Variants in THBS2 observed in about 807,000 individuals in gnomAD.
The protein encoded by THBS2 is thrombospondin 2.
In THBS2, 47 loss-of-function variants were observed where a neutral mutation model predicts 135.2. That is an observed-to-expected ratio of 0.35 (90% CI 0.28 to 0.44). The LOEUF (loss-of-function observed/expected upper bound fraction) is 0.44, where lower values mean the gene tolerates loss of function less well. Among genes scored for constraint, THBS2 ranks in the 20% least tolerant of loss-of-function variants. The probability of loss-of-function intolerance (pLI) is 1.00; values close to 1 mark genes in which losing one functional copy is unlikely to be tolerated. For missense variants in THBS2, 1,288 were observed against 1,603.1 expected, an observed-to-expected ratio of 0.80 and a Z score of 3.36; for synonymous variants, 639 against 633.8, an observed-to-expected ratio of 1.01 and a Z score of -0.12.
Position 169,248,661 on chromosome 6 carries a change from T to A in THBS2, c.365A>T (p.Asp122Val). 6.2e-7 allele frequency: 1 copy of A among 1,613,914 alleles called. No homozygotes were observed. The highest frequency in any genetic ancestry group is 8.5e-7 in the Non-Finnish European group (1 of 1,179,972). ...QFEIVSNGPA[D>V]TLDLTYWIDG... ...AATCCAGTAGGTGAGATCCAGCGTGTCCGCGGGGCCGTTGGAGACGATCTC... is the reference window on the plus strand; with the variant it reads ...AATCCAGTAGGTGAGATCCAGCGTGACCGCGGGGCCGTTGGAGACGATCTC... Residue 122 changes from aspartate to valine, a missense_variant, in exon 3 of 22, where the codon GAC (aspartate) becomes GTC (valine). By Grantham distance (152) the Asp-to-Val change is radical. Transcript: ENST00000617924.
chr6:169,242,831 C>T (rs1780387178), intron 4 of THBS2, among the ~76,000 whole-genome samples: 1 of 128,568 alleles, frequency 7.8e-6, no homozygotes, highest in African/African-American at 3.2e-5. Context: ...CACCTTCCCA[C>T]CTTCCCACCT....
chr6:169,221,610 A>G, intron 19 of THBS2, 83 bp from the exon 20 acceptor site: 1 of 1,251,186 alleles, frequency 8.0e-7, no homozygotes, highest in Non-Finnish European at 1.2e-6. Context: ...AGGAAGCAAA[A>G]ACATGACTTT....
intron 9 of THBS2, among the ~76,000 whole-genome samples, chr6:169,236,426 C>T (rs1226814870): frequency 1.4e-5 from 2 of 138,314 alleles, no homozygotes; most frequent in Non-Finnish European, 1.6e-5. Context: ...CATCCACACT[C>T]ACTCCCCATC....
At chr6:169,250,676 G>C in intron 2 of THBS2, 57 bp downstream of exon 2, 2 of 1,507,020 alleles carry the variant, frequency 1.3e-6, no homozygotes, top group African/African-American at 2.7e-5. Context: ...CTCTCCCCTT[G>C]CAGCTAAGCC....
At chr6:169,219,654 A>AT (rs1779349448) in intron 21 of THBS2, among the ~76,000 whole-genome samples, 1 of 152,030 alleles carries the variant, frequency 6.6e-6, no homozygotes, top group Non-Finnish European at 1.5e-5. Context: ...CAAACACATG[A>AT]TTTTCAATGT....
chr6:169,232,226 C>T, intron 12 of THBS2, 28 bp from the exon 13 acceptor site: 1 of 1,609,984 alleles, frequency 6.2e-7, no homozygotes, highest in Non-Finnish European at 8.5e-7. Flanking sequence ...GCGGGGTTAG[C>T]GACAGGCAGG....
chr6:169,244,939 A>C (rs1203674824), intron 4 of THBS2, among the ~76,000 whole-genome samples: 1 of 152,216 alleles, frequency 6.6e-6, no homozygotes, highest in Non-Finnish European at 1.5e-5. Context: ...AAGGACCCGG[A>C]CCTGCAAAGT....
At position 169,240,500 on chromosome 6, in the gene THBS2, C is replaced by T. The variant is rs371446323; in HGVS notation, c.984G>A (p.Ala328=). ...SACWQDGRFF[A]ENETWVVDSC... ...TGTCCACCACCCACGTTTCATTTTC[C>T]GCAAAGAACCGGCCATCCTGCCAGC... The change falls in exon 6 of 22, where the codon GCG becomes GCA. Residue 328 remains alanine (A), a synonymous_variant. Coordinates refer to ENST00000617924, the MANE Select transcript of THBS2 (RefSeq NM_003247.5). 3.3e-4 allele frequency: 534 copies of T among 1,613,916 alleles called. 5 individuals carry two copies. The South Asian group carries it at 5.2e-3, about 16-fold the overall frequency.
chr6:169,249,050 A>G (rs1562366004), intron 2 of THBS2, 77 bp from the exon 3 acceptor site: 2 of 1,393,542 alleles, frequency 1.4e-6, no homozygotes. Flanking sequence ...GTGACAAACC[A>G]GAACCTCGCG....
chr6:169,219,252 AGGTGGATGGGTG>A (rs139805732), intron 21 of THBS2, among the ~76,000 whole-genome samples: 30,798 of 117,498 alleles, frequency 0.26, 3,622 homozygotes, highest in African/African-American at 0.34. Context: ...TTAGATGGAT[AGGTGGATGGGTG>A]GGTGGATGGA....
intron 12 of THBS2, among the ~76,000 whole-genome samples, 187 bp downstream of exon 12, chr6:169,232,477 A>ACGCGCCCCG (rs71554391): frequency 6.6e-6 from 1 of 151,774 alleles, no homozygotes; most frequent in Non-Finnish European, 1.5e-5. Flanking sequence ...CCGGCTGAGC[A>ACGCGCCCCG]CGCCCCGCAC....
At chr6:169,222,149 G>A (rs1168406313) in intron 19 of THBS2, 48 bp downstream of exon 19, 1 of 1,538,780 alleles carries the variant, frequency 6.5e-7, no homozygotes, top group Admixed American at 1.9e-5. Context: ...ACACTCTGCA[G>A]CCACAGTGGT....
intron 20 of THBS2, 37 bp downstream of exon 20, chr6:169,221,393 C>T: frequency 6.3e-7 from 1 of 1,588,532 alleles, no homozygotes; most frequent in African/African-American, 1.3e-5. Context: ...ATGGGAAGCC[C>T]CTTGGAAGAA....
At position 169,248,558 on chromosome 6, in the gene THBS2, C is replaced by A; in HGVS notation, c.468G>T (p.Val156=). 1 of 1,614,016 alleles carries A rather than the reference C, an allele frequency of 6.2e-7. No individual in the cohort carries two copies. Among genetic ancestry groups the A allele is most frequent in the Non-Finnish European group, 8.5e-7 (1 of 1,180,046 alleles). The part of the protein sequence containing the change: ...DSQWKNVTVQ[V]AGETYSLHVG... Reference sequence around the variant, plus strand: ...CGTGCAAGCTGTAGGTCTCGCCAGCCACCTGCACGGTGACGTTCTTCCACT... The same window carrying A: ...CGTGCAAGCTGTAGGTCTCGCCAGCAACCTGCACGGTGACGTTCTTCCACT... Residue 156 remains valine, a synonymous_variant, in exon 3 of 22, where the codon GTG becomes GTT. Transcript: ENST00000617924.
At chr6:169,230,576 C>G (rs1443377552) in intron 13 of THBS2, among the ~76,000 whole-genome samples, 1 of 152,148 alleles carries the variant, frequency 6.6e-6, no homozygotes, top group Non-Finnish European at 1.5e-5. Flanking sequence ...GCACAGGGGT[C>G]CCTTGTCAAG....
Position 169,239,613 on chromosome 6 carries a change from G to A in THBS2, c.1115C>T (p.Pro372Leu), listed in dbSNP as rs1780220925. The change falls in exon 7 of 22, where the codon CCT (proline) becomes CTT (leucine). Residue 372 changes from proline to leucine, a missense_variant. Physicochemically the swap from Pro to Leu is moderately conservative, Grantham distance 98. Transcript: ENST00000617924. ...SPSFVEGECCPSCLHSVDGEE... is the reference protein window; with the variant it reads ...SPSFVEGECCLSCLHSVDGEE... ...GCGATACTCACAGTGGAGGCAGGAAGGGCAGCATTCGCCTTCCACAAAGGA... is the reference window on the plus strand; with the variant it reads ...GCGATACTCACAGTGGAGGCAGGAAAGGCAGCATTCGCCTTCCACAAAGGA... The A allele has an allele frequency of 1.2e-6, 2 of 1,602,584 alleles. No homozygotes were observed. Among genetic ancestry groups the A allele is most frequent in the South Asian group, 2.3e-5 (2 of 88,490 alleles).
In THBS2 at chr6:169,232,742, G is replaced by T. The variant is rs1289039023; in HGVS notation, c.1854C>A (p.His618Gln). ...PRCVNTQPGFHCLPCPPRYRG... is the reference protein window; with the variant it reads ...PRCVNTQPGFQCLPCPPRYRG... ...TGTATCGGGGCGGGCAGGGCAGGCA[G>T]TGGAAGCCAGGCTGAGTGTTGACAC... is the stretch of plus-strand genomic sequence containing the variant. The change falls in exon 12 of 22, where the codon CAC (histidine) becomes CAA (glutamine). Residue 618 changes from histidine to glutamine, a missense_variant. Around this residue, in one of 2 missense-constraint regions of THBS2, gnomAD observed 874 missense variants for 1,156.1 expected, o/e 0.76. Coordinates refer to ENST00000617924, the MANE Select transcript of THBS2 (RefSeq NM_003247.5). 1 of 1,614,030 alleles carries T rather than the reference G, an allele frequency of 6.2e-7. No homozygotes were observed.
At chr6:169,248,359 T>C (rs1399693921) in intron 3 of THBS2, 58 bp downstream of exon 3, 3 of 1,531,248 alleles carry the variant, frequency 2.0e-6, no homozygotes, top group Non-Finnish European at 1.8e-6. Context: ...CATTAGCAGA[T>C]CAGTTCCCAG....
In THBS2 at chr6:169,217,441, C is replaced by T; in HGVS notation, c.*381G>A. The stretch of plus-strand genomic sequence containing the variant: ...TTTCATGCTTAATTTATCATAATGG[C>T]TTATGCACAGTATTCCCTTCAACTC... On this transcript the variant is annotated 3_prime_UTR_variant, in exon 22 of 22. Transcript: ENST00000617924. 4.5e-6 allele frequency: 1 copy of T among 221,764 alleles called. No individual in the cohort carries two copies. The highest frequency in any genetic ancestry group is 5.7e-5 in the Admixed American group (1 of 17,698). The allele number at this position is 221,764 out of a possible 1,614,324, so 13.7% of individuals were successfully genotyped here.
Sources: allele counts gnomAD v4.1 joint callset (sites outside exome capture counted in the v4.1 genomes callset), GRCh38; gene constraint gnomAD v4.1.1; regional missense constraint gnomAD v4.1.1; transcripts MANE v1.5; gene names NCBI Gene and HGNC (gene_info 2026-07-23, HGNC 2026-07-21).